Variants in NR2C2 observed in about 807,000 individuals in gnomAD.
NR2C2 encodes the protein nuclear receptor subfamily 2 group C member 2.
Under a neutral mutation model 62.9 loss-of-function variants are expected in NR2C2, and 6 were observed. The ratio of observed to expected loss-of-function variants is 0.10; its 90% confidence interval spans 0.05 to 0.19. The LOEUF is 0.19. Among genes scored for constraint, NR2C2 ranks in the 10% least tolerant of loss-of-function variants. NR2C2 has a pLI of 1.00. For missense variants in NR2C2, 479 were observed against 762.7 expected (o/e 0.63, Z 4.38); for synonymous variants, 272 against 273.8 (o/e 0.99, Z 0.07).
rs1330533143 is a variant in NR2C2, at chr3:15,048,608, G to C, written c.*5600G>C. The C allele has an allele frequency of 2.0e-5, 3 of 152,588 alleles. No homozygotes were observed. The highest frequency in any genetic ancestry group is 7.2e-5 in the African/African-American group (3 of 41,428). The allele number at this position is 152,588 out of a possible 1,614,324, so 9.5% of individuals were successfully genotyped here. A position where few individuals can be genotyped will look rare whatever the true frequency, so the allele number is the denominator to read the frequency against. On this transcript the variant is annotated 3_prime_UTR_variant, in exon 14 of 14. Coordinates refer to ENST00000425241, the MANE Select transcript of NR2C2 (RefSeq NM_001291694.2). ...GTAGTAGACTTTGCATTAAAAAATG[G>C]CTTTTCTTTAGGAAAGTATAATCAA...
chr3:14,968,762 T>G (rs1241764201), intron 1 of NR2C2, among the ~76,000 whole-genome samples: 4 of 138,216 alleles, frequency 2.9e-5, no homozygotes, highest in African/African-American at 1.2e-4. Context: ...TAGACTGGAT[T>G]AAGAAAATGT....
chr3:14,999,960 A>G (rs1392150435), intron 1 of NR2C2, among the ~76,000 whole-genome samples: 1 of 152,184 alleles, frequency 6.6e-6, no homozygotes, highest in Non-Finnish European at 1.5e-5. Context: ...CGTGACTACA[A>G]TGTGTAAAAA....
chr3:15,020,638 C>CA, intron 4 of NR2C2, 115 bp from the exon 5 acceptor site: 1 of 1,176,232 alleles, frequency 8.5e-7, no homozygotes. Context: ...TGGCATCTAA[C>CA]AGTGTATGGC....
intron 1 of NR2C2, among the ~76,000 whole-genome samples, chr3:15,001,184 GTTAAAT>G (rs1334513241): frequency 1.3e-5 from 2 of 151,738 alleles, no homozygotes; most frequent in Non-Finnish European, 2.9e-5. Context: ...CATTTCTTTT[GTTAAAT>G]TTATTTTATT....
At position 15,047,099 on chromosome 3, in the gene NR2C2, G is replaced by A. The variant is rs1183411974; in HGVS notation, c.*4091G>A. On this transcript the variant is annotated 3_prime_UTR_variant, in exon 14 of 14. Transcript: ENST00000425241. ...TCTCCATATGTACAGTGTATATAGT[G>A]TGTGTATGTGTACATAGATGTATAT... is the stretch of plus-strand genomic sequence containing the variant. 1.3e-5 allele frequency: 2 copies of A among 152,624 alleles called. No individual in the cohort carries two copies. The highest frequency in any genetic ancestry group is 2.1e-4 in the South Asian group (1 of 4,832). The allele number at this position is 152,624 out of a possible 1,614,324, so 9.5% of individuals were successfully genotyped here. A position where few individuals can be genotyped will look rare whatever the true frequency, so the allele number is the denominator to read the frequency against.
At chr3:15,009,115 G>A (rs1429896762) in intron 2 of NR2C2, among the ~76,000 whole-genome samples, 1 of 152,114 alleles carries the variant, frequency 6.6e-6, no homozygotes, top group Non-Finnish European at 1.5e-5. Flanking sequence ...CCAGCTACTC[G>A]GGAGGCTGAG....
At chr3:15,012,905 G>A (rs978480143) in intron 2 of NR2C2, among the ~76,000 whole-genome samples, 1 of 152,240 alleles carries the variant, frequency 6.6e-6, no homozygotes, top group Non-Finnish European at 1.5e-5. Context: ...AACTCCCAGA[G>A]GAATAAGGGT....
Position 14,976,592 on chromosome 3 carries a change from T to G in NR2C2, c.-39-27284T>G, listed in dbSNP as rs190871442. On this transcript the variant is annotated intron_variant, in intron 1 of 13. Coordinates refer to ENST00000425241, the MANE Select transcript of NR2C2 (RefSeq NM_001291694.2). The stretch of plus-strand genomic sequence containing the variant: ...AGTCTTTGTTTTCTTGAGTCTGTCT[T>G]CCTTCCTTCCTTTTTTTTTTTTTTT... Among the ~76,000 whole-genome samples, 659 of 141,350 alleles carry G rather than the reference T, an allele frequency of 4.7e-3. 2 individuals carry two copies. The highest frequency in any genetic ancestry group is 0.017 in the African/African-American group (614 of 36,648). 92.7% of individuals were successfully genotyped at this position (141,350 alleles called of 152,430 possible). A position where few individuals can be genotyped will look rare whatever the true frequency, so the allele number is the denominator to read the frequency against.
At chr3:14,995,691 G>GTGTGTGTA (rs1179128647) in intron 1 of NR2C2, among the ~76,000 whole-genome samples, 1 of 151,914 alleles carries the variant, frequency 6.6e-6, no homozygotes, top group Non-Finnish European at 1.5e-5. Flanking sequence ...GTGTGTGTGT[G>GTGTGTGTA]TACACCTAAG....
intron 9 of NR2C2, among the ~76,000 whole-genome samples, chr3:15,030,697 G>C (rs1179433430): frequency 6.6e-6 from 1 of 152,118 alleles, no homozygotes; most frequent in East Asian, 1.9e-4. Flanking sequence ...GCATGGAGGC[G>C]CATGCCTGTA....
rs181518458 is a variant in NR2C2, at chr3:15,022,335, C to T, written c.557-865C>T. Among the ~76,000 whole-genome samples the T allele has an allele frequency of 1.3e-3, 195 of 151,550 alleles. 1 individual carries two copies. The highest frequency in any genetic ancestry group is 3.9e-3 in the African/African-American group (162 of 41,318). ...AGAAGGGTTCCTCTACAAATTGTGGCATAGGAAATGCATTCTATTAAGGGC... is the reference window on the plus strand; with the variant it reads ...AGAAGGGTTCCTCTACAAATTGTGGTATAGGAAATGCATTCTATTAAGGGC... On this transcript the variant is annotated intron_variant, in intron 5 of 13. Coordinates refer to ENST00000425241, the MANE Select transcript of NR2C2 (RefSeq NM_001291694.2).
chr3:15,036,567 A>G (rs890309191), intron 11 of NR2C2, among the ~76,000 whole-genome samples: 1 of 152,120 alleles, frequency 6.6e-6, no homozygotes, highest in Non-Finnish European at 1.5e-5. Context: ...ATAGCTCACT[A>G]CAGCCTTGAA....
intron 1 of NR2C2, among the ~76,000 whole-genome samples, chr3:14,980,317 T>TA (rs748246980): frequency 0.083 from 11,363 of 136,172 alleles, 508 homozygotes; most frequent in Middle Eastern, 0.16. Context: ...CCCAGCTAAT[T>TA]AAAAAAAAAA....
chr3:14,958,715 T>C (rs955979756), intron 1 of NR2C2, among the ~76,000 whole-genome samples: 1 of 152,252 alleles, frequency 6.6e-6, no homozygotes, highest in Admixed American at 6.5e-5. Context: ...CTGCGGCTAA[T>C]GCCTGTAATC....
At chr3:15,017,700 A>G (rs2041549403) in intron 4 of NR2C2, among the ~76,000 whole-genome samples, 1 of 152,202 alleles carries the variant, frequency 6.6e-6, no homozygotes, top group South Asian at 2.1e-4. Flanking sequence ...CAAAGAAAGG[A>G]AAAACAATAT....
chr3:15,010,742 G>A (rs114359597), intron 2 of NR2C2, among the ~76,000 whole-genome samples: 31 of 151,864 alleles, frequency 2.0e-4, no homozygotes, highest in African/African-American at 7.0e-4. Context: ...TGAGCCTTGA[G>A]GTATGTTATA....
chr3:15,010,184 G>C (rs1359643275), intron 2 of NR2C2, among the ~76,000 whole-genome samples: 4 of 152,028 alleles, frequency 2.6e-5, no homozygotes, highest in Non-Finnish European at 5.9e-5. Flanking sequence ...GTGTCCTCTA[G>C]GTCATTAAAT....
At chr3:15,033,169 C>T (rs1049615624) in intron 10 of NR2C2, among the ~76,000 whole-genome samples, 3 of 152,170 alleles carry the variant, frequency 2.0e-5, no homozygotes, top group African/African-American at 7.2e-5. Flanking sequence ...GCAGAGTAAC[C>T]ATCCTTAGGT....
intron 3 of NR2C2, 49 bp from the exon 4 acceptor site, chr3:15,016,103 T>G: frequency 2.8e-6 from 4 of 1,423,200 alleles, no homozygotes; most frequent in Non-Finnish European, 4.0e-6. Context: ...TGCCCGGCAG[T>G]GATTTGATTT....
Sources: gnomAD v4.1 joint callset for allele counts (sites outside exome capture counted in the v4.1 genomes callset) on GRCh38, gnomAD v4.1.1 for gene constraint, MANE v1.5 for transcripts, NCBI Gene and HGNC (gene_info 2026-07-23, HGNC 2026-07-21) for gene names.